CDON: variants seen among roughly 807,000 people sequenced by gnomAD.
The protein encoded by CDON is cell adhesion molecule-related/down-regulated by oncogenes.
In CDON, 73 loss-of-function variants were observed where a neutral mutation model predicts 120.9. That is an observed-to-expected ratio of 0.60 (90% CI 0.50 to 0.73). The LOEUF is 0.73. Ranked by LOEUF, CDON falls within the 30% of genes least tolerant of loss-of-function variation. The pLI, the probability that CDON is intolerant of heterozygous loss-of-function variation, is 0.00. For synonymous variants in CDON, 566 were observed against 573.5 expected (o/e 0.99, Z 0.19); for missense variants, 1,470 against 1,587.3 (o/e 0.93, Z 1.26).
intron 1 of CDON, among the ~76,000 whole-genome samples, chr11:126,041,323 G>A (rs1226234028): frequency 6.6e-6 from 1 of 152,082 alleles, no homozygotes; most frequent in African/African-American, 2.4e-5. Flanking sequence ...TTGGTGGGCT[G>A]CAAAAACATT....
intron 1 of CDON, among the ~76,000 whole-genome samples, chr11:126,057,840 CAGG>C (rs1206729417): frequency 9.2e-5 from 14 of 152,240 alleles, no homozygotes; most frequent in Non-Finnish European, 1.5e-4. Flanking sequence ...CTTACATATA[CAGG>C]AGGAGTTAAT....
In CDON at chr11:126,017,359, A is replaced by G. The variant is rs775361946; in HGVS notation, c.657T>C (p.Asp219=). The change falls in exon 6 of 20, where the codon GAT becomes GAC. Residue 219 remains aspartate (D), a synonymous_variant. Transcript: ENST00000531738. ...AATGGGTGGGGTGAAGAATGTGAACATCATCTGAAGAAGGACCTGGAAAAG... is the reference window on the plus strand; with the variant it reads ...AATGGGTGGGGTGAAGAATGTGAACGTCATCTGAAGAAGGACCTGGAAAAG... The part of the protein sequence containing the change: ...KLLVSRPSSD[D]VHILHPTHSQ... 1.2e-6 allele frequency: 2 copies of G among 1,614,024 alleles called. No individual in the cohort carries two copies. The highest frequency in any genetic ancestry group is 2.7e-5 in the African/African-American group (2 of 74,928).
chr11:126,063,267 C>A, upstream of CDON: 1 of 152,518 alleles, frequency 6.6e-6, no homozygotes, highest in Non-Finnish European at 1.5e-5. Context: ...TCACGCTCCC[C>A]TCACCTTTCA....
chr11:126,021,542 A>G (rs767402447), intron 2 of CDON, 22 bp from the exon 3 acceptor site: 2 of 1,609,710 alleles, frequency 1.2e-6, no homozygotes, highest in South Asian at 2.2e-5. Context: ...TATTCCCCAT[A>G]TGCAAAGAAA....
At chr11:125,966,178 C>A (rs1407406123) in intron 18 of CDON, among the ~76,000 whole-genome samples, 1 of 149,234 alleles carries the variant, frequency 6.7e-6, no homozygotes, top group Non-Finnish European at 1.5e-5. Context: ...CTGGGCACAT[C>A]AGGAGACAAG....
chr11:126,060,926 T>C (rs1948780856), intron 1 of CDON, among the ~76,000 whole-genome samples: 1 of 152,226 alleles, frequency 6.6e-6, no homozygotes, highest in African/African-American at 2.4e-5. Flanking sequence ...GGGTTCTTTG[T>C]ACTTGAAGGC....
At chr11:126,051,056 GA>G (rs972463408) in intron 1 of CDON, among the ~76,000 whole-genome samples, 149 of 151,460 alleles carry the variant, frequency 9.8e-4, no homozygotes, top group African/African-American at 3.3e-3. Context: ...CAACATGAAG[GA>G]AAAAAAATCC....
intron 18 of CDON, among the ~76,000 whole-genome samples, chr11:125,965,491 CAAG>C (rs1945771200): frequency 6.6e-6 from 1 of 152,084 alleles, no homozygotes; most frequent in African/African-American, 2.4e-5. Context: ...AACAAGGTGT[CAAG>C]AAGAAAGAGA....
chr11:125,981,963 CTATTTTCT>C (rs1565501824), intron 16 of CDON, among the ~76,000 whole-genome samples: 5 of 34,152 alleles, frequency 1.5e-4, no homozygotes, highest in Admixed American at 3.6e-4. Context: ...AAAAGTGATT[CTATTTTCT>C]TTTTTTTTTT....
chr11:126,047,322 C>T lies in CDON; in HGVS notation c.-62+15257G>A, dbSNP rs781428120. On this transcript the variant is annotated intron_variant, in intron 1 of 19. Coordinates refer to ENST00000531738, the MANE Select transcript of CDON (RefSeq NM_001378964.1). The stretch of plus-strand genomic sequence containing the variant: ...AGTTGCTTGAACATACAGGAATTTA[C>T]CCAAACTTTCACCATTACCTATTAC... Among the ~76,000 whole-genome samples, 20 of 152,190 alleles carry T rather than the reference C, an allele frequency of 1.3e-4. 1 individual carries two copies. Among genetic ancestry groups the T allele is most frequent in the African/African-American group, 3.4e-4 (14 of 41,530 alleles).
At chr11:125,971,572 T>A (rs950989765) in intron 18 of CDON, among the ~76,000 whole-genome samples, 2 of 152,216 alleles carry the variant, frequency 1.3e-5, no homozygotes, top group African/African-American at 2.4e-5. Flanking sequence ...ATTTGTAGTA[T>A]CTCTGTTCTC....
chr11:125,991,241 A>T (rs1198325007), intron 14 of CDON, among the ~76,000 whole-genome samples: 1 of 152,224 alleles, frequency 6.6e-6, no homozygotes, highest in Non-Finnish European at 1.5e-5. Flanking sequence ...AAATTATAGG[A>T]AATATCAGCA....
intron 18 of CDON, among the ~76,000 whole-genome samples, chr11:125,976,539 T>C (rs1396795184): frequency 7.1e-6 from 1 of 141,550 alleles, no homozygotes; most frequent in Non-Finnish European, 1.6e-5. Context: ...GTTCATTGTC[T>C]TAAAGGAAAA....
chr11:125,974,931 A>T (rs1185192725), intron 18 of CDON, among the ~76,000 whole-genome samples: 1 of 138,566 alleles, frequency 7.2e-6, no homozygotes, highest in Non-Finnish European at 1.6e-5. Flanking sequence ...CCTGTCAGTC[A>T]ATGGCCAAGT....
chr11:126,024,691 G>A (rs143579095), intron 1 of CDON, among the ~76,000 whole-genome samples: 116 of 152,274 alleles, frequency 7.6e-4, no homozygotes, highest in African/African-American at 2.5e-3. Flanking sequence ...TGGAGCTGTA[G>A]GAAGAAGTCA....
intron 9 of CDON, chr11:126,004,449 A>C: frequency 3.8e-6 from 1 of 264,810 alleles, no homozygotes; most frequent in South Asian, 4.4e-5. Flanking sequence ...TAATTATATA[A>C]TACACATAAT....
At chr11:126,000,087 C>T (rs616975) in intron 11 of CDON, among the ~76,000 whole-genome samples, 7,325 of 152,228 alleles carry the variant, frequency 0.048, 190 homozygotes, top group Middle Eastern at 0.075. Flanking sequence ...AGATATTTCT[C>T]GTGAACCCAT....
chr11:126,023,068 G>A (rs1341533178), intron 2 of CDON, among the ~76,000 whole-genome samples: 2 of 152,018 alleles, frequency 1.3e-5, no homozygotes, highest in Non-Finnish European at 2.9e-5. Flanking sequence ...TATTTAGTCC[G>A]CATTTTATTC....
At chr11:126,059,007 TATAATA>T (rs552977864) in intron 1 of CDON, among the ~76,000 whole-genome samples, 1 of 152,310 alleles carries the variant, frequency 6.6e-6, no homozygotes, top group Non-Finnish European at 1.5e-5. Flanking sequence ...ATTAGAATTC[TATAATA>T]ATAATAATGT....
Sources: allele counts gnomAD v4.1 joint callset (sites outside exome capture counted in the v4.1 genomes callset), GRCh38; gene constraint gnomAD v4.1.1; transcripts MANE v1.5; gene names NCBI Gene and HGNC (gene_info 2026-07-23, HGNC 2026-07-21).